ABCG1: variants seen among roughly 807,000 people sequenced by gnomAD.
The protein encoded by ABCG1 is ATP-binding cassette sub-family G member 1.
Under a neutral mutation model 69.2 loss-of-function variants are expected in ABCG1, and 29 were observed. That is an observed-to-expected ratio of 0.42 (90% CI 0.31 to 0.57). The LOEUF (loss-of-function observed/expected upper bound fraction) is 0.57, where lower values mean the gene tolerates loss of function less well. Among genes scored for constraint, ABCG1 ranks in the 20% least tolerant of loss-of-function variants. The pLI is 0.15. For synonymous variants in ABCG1, 370 were observed against 374.8 expected (o/e 0.99, Z 0.15); for missense variants, 718 against 898.1 (o/e 0.80, Z 2.56).
intron 2 of ABCG1, among the ~76,000 whole-genome samples, chr21:42,202,714 C>T (rs377113086): frequency 1.1e-4 from 16 of 152,150 alleles, no homozygotes; most frequent in South Asian, 6.2e-4. Context: ...CAGGCTCAAG[C>T]GATCCTCCCA....
rs1037868034 is a variant in ABCG1, at chr21:42,269,392, G to A, written c.287-1678G>A. ...AGGGGCACCCATGGCTCAGCAGAAG[G>A]GCTATTCTTGGGGTTCCCGGTCCTC... On this transcript the variant is annotated intron_variant, in intron 2 of 14. Transcript: ENST00000398449. Among the ~76,000 whole-genome samples, 13 of 152,296 alleles carry A rather than the reference G, an allele frequency of 8.5e-5. 1 individual carries two copies. Among genetic ancestry groups the A allele is most frequent in the South Asian group, 4.1e-4 (2 of 4,824 alleles).
rs150744826 is a variant in ABCG1, at chr21:42,262,646, G to T, written c.287-8424G>T. On this transcript the variant is annotated intron_variant, in intron 2 of 14. Transcript: ENST00000398449. The stretch of plus-strand genomic sequence containing the variant: ...AGGAGGAGGGAGGGAGGAGGGGAAC[G>T]GCTGGGAACCGCTCTGCGGGGCCTG... Among the ~76,000 whole-genome samples, 993 of 152,308 alleles carry T rather than the reference G, an allele frequency of 6.5e-3. 1 individual carries two copies. The highest frequency in any genetic ancestry group is 0.01 in the Non-Finnish European group (681 of 68,024).
intron 6 of ABCG1, among the ~76,000 whole-genome samples, chr21:42,283,162 C>A (rs932830257): frequency 6.6e-6 from 1 of 152,208 alleles, no homozygotes; most frequent in South Asian, 2.1e-4. Flanking sequence ...CACTCACTCA[C>A]CTCTCCAAAG....
chr21:42,243,256 C>G (rs1044920301), intron 2 of ABCG1, among the ~76,000 whole-genome samples: 1 of 152,158 alleles, frequency 6.6e-6, no homozygotes, highest in Non-Finnish European at 1.5e-5. Flanking sequence ...CGGCCCCTCC[C>G]TCTGCAGGGA....
chr21:42,223,514 A>G (rs2067765196), intron 1 of ABCG1, among the ~76,000 whole-genome samples: 1 of 152,036 alleles, frequency 6.6e-6, no homozygotes. Flanking sequence ...GCGACGGCCC[A>G]GAGGAAAATA....
intron 2 of ABCG1, among the ~76,000 whole-genome samples, chr21:42,261,877 C>A (rs771199425): frequency 1.1e-4 from 17 of 152,188 alleles, no homozygotes; most frequent in Non-Finnish European, 2.2e-4. Context: ...GGCCCTGATT[C>A]TCTGCGGGTG....
intron 2 of ABCG1, among the ~76,000 whole-genome samples, chr21:42,228,565 G>T (rs775589500): frequency 6.6e-6 from 1 of 152,224 alleles, no homozygotes; most frequent in Non-Finnish European, 1.5e-5. Flanking sequence ...ACTTGCCCAT[G>T]CTCCTGGGCT....
Position 42,219,858 on chromosome 21 carries a change from A to T in ABCG1, c.42+554A>T, listed in dbSNP as rs554736507. 203 of 1,527,526 alleles carry T rather than the reference A, an allele frequency of 1.3e-4. 3 individuals are homozygous for T. In the South Asian group the frequency reaches 2.2e-3, roughly 17 times the overall value. 94.6% of individuals were successfully genotyped at this position (1,527,526 alleles called of 1,614,324 possible). Reference sequence around the variant, plus strand: ...CACTCCCGGGGACACCCTCTCCCGGACCCACTCGGGGAGGCGGCGGCGAAG... The same window carrying T: ...CACTCCCGGGGACACCCTCTCCCGGTCCCACTCGGGGAGGCGGCGGCGAAG... On this transcript the variant is annotated intron_variant, in intron 1 of 14. Transcript: ENST00000398449. The surrounding 1 kb of genome is among the most constrained non-coding windows in gnomAD (Gnocchi z 5.3).
chr21:42,286,461 C>G (rs764360658), intron 8 of ABCG1, among the ~76,000 whole-genome samples: 1 of 152,148 alleles, frequency 6.6e-6, no homozygotes, highest in Non-Finnish European at 1.5e-5. Flanking sequence ...TATTTTCTAC[C>G]ACACTATTTC....
At chr21:42,283,657 CCCACCCAAAT>C (rs2068857303) in intron 6 of ABCG1, among the ~76,000 whole-genome samples, 2 of 145,324 alleles carry the variant, frequency 1.4e-5, no homozygotes, top group African/African-American at 2.5e-5. Context: ...GAAGTCCCCC[CCCACCCAAAT>C]GAGTGGGGAA....
At chr21:42,282,460 G>A in intron 6 of ABCG1, 41 bp downstream of exon 6, 1 of 1,588,024 alleles carries the variant, frequency 6.3e-7, no homozygotes, top group Non-Finnish European at 8.6e-7. Flanking sequence ...GGGGCAGGAA[G>A]AACCCCCTGT....
At chr21:42,203,066 G>C (rs1042509814) in intron 2 of ABCG1, among the ~76,000 whole-genome samples, 3 of 152,136 alleles carry the variant, frequency 2.0e-5, no homozygotes, top group Non-Finnish European at 4.4e-5. Context: ...TCCAGCAAGC[G>C]CTGCTGATGC....
upstream of ABCG1, among the ~76,000 whole-genome samples, chr21:42,211,204 C>T (rs552921171): frequency 4.1e-3 from 622 of 152,200 alleles, 3 homozygotes; most frequent in African/African-American, 0.013. Context: ...CTGATCCGCC[C>T]GCCTCGGGCT....
At position 42,243,365 on chromosome 21, in the gene ABCG1, A is replaced by G. The variant is rs565281395; in HGVS notation, c.286+17451A>G. 1.6e-3 allele frequency among the ~76,000 whole-genome samples: 247 copies of G among 151,912 alleles called. 1 individual carries two copies. The highest frequency in any genetic ancestry group is 5.8e-3 in the African/African-American group (241 of 41,394). ...CAGAAGTGCCTGGATTCAGCAATTT[A>G]TATTATTATTTAAGAGAGAGCAGAT... On this transcript the variant is annotated intron_variant, in intron 2 of 14. Transcript: ENST00000398449.
At chr21:42,204,305 A>G (rs2067527480) in intron 2 of ABCG1, among the ~76,000 whole-genome samples, 1 of 152,226 alleles carries the variant, frequency 6.6e-6, no homozygotes, top group South Asian at 2.1e-4. Context: ...GGTGAAAGCA[A>G]ACATCCTTGC....
chr21:42,264,799 G>A (rs1212512796), intron 2 of ABCG1, among the ~76,000 whole-genome samples: 1 of 152,002 alleles, frequency 6.6e-6, no homozygotes, highest in African/African-American at 2.4e-5. Context: ...AGATAGAGGA[G>A]CGCTGTTTGG....
At chr21:42,271,048 A>G in intron 2 of ABCG1, 22 bp from the exon 3 acceptor site, 1 of 1,420,542 alleles carries the variant, frequency 7.0e-7, no homozygotes, top group Non-Finnish European at 9.4e-7. Flanking sequence ...AATGAATATG[A>G]ATATGATCTG....
intron 13 of ABCG1, among the ~76,000 whole-genome samples, chr21:42,293,102 G>A (rs796967987): frequency 0.066 from 714 of 10,814 alleles, no homozygotes; most frequent in Admixed American, 0.072. Context: ...CACCACACAC[G>A]GTACACACCA....
chr21:42,273,265 A>G lies in ABCG1; in HGVS notation c.405-38A>G. 1 of 1,590,284 alleles carries G rather than the reference A, an allele frequency of 6.3e-7. No homozygotes were observed. The highest frequency in any genetic ancestry group is 8.6e-7 in the Non-Finnish European group (1 of 1,167,098). ...CCCCGGGAGGTGGAGGAGGAGCAGG[A>G]GCCCGGCTGACGGCTTCTCCTGTCC... On this transcript the variant is annotated intron_variant, in intron 3 of 14. Coordinates refer to ENST00000398449, the MANE Select transcript of ABCG1 (RefSeq NM_016818.3). This position sits in a 1 kb window ranked among gnomAD's most constrained non-coding sequence, Gnocchi z 5.3.
Sources: gnomAD v4.1 joint callset for allele counts (sites outside exome capture counted in the v4.1 genomes callset) on GRCh38, gnomAD v4.1.1 for gene constraint, Gnocchi (gnomAD v3.1) non-coding constraint, MANE v1.5 for transcripts, NCBI Gene and HGNC (gene_info 2026-07-23, HGNC 2026-07-21) for gene names.